The following RAB29 variants were observed in gnomAD, a reference collection of about 807,000 sequenced individuals.
RAB29 encodes RAB29, member RAS oncogene family.
A neutral mutation model predicts 25.5 loss-of-function variants in RAB29; 13 were observed. That is an observed-to-expected ratio of 0.51 (90% CI 0.33 to 0.81). RAB29 has a LOEUF of 0.81. Ranked by LOEUF, RAB29 falls within the 30% of genes least tolerant of loss-of-function variation. The probability of loss-of-function intolerance (pLI) is 0.02; values close to 1 mark genes in which losing one functional copy is unlikely to be tolerated. For synonymous variants in RAB29, 88 were observed against 95.0 expected (o/e 0.93, Z 0.43); for missense variants, 201 against 254.9 (o/e 0.79, Z 1.44).
chr1:205,774,805 C>G, intron 2 of RAB29, 28 bp downstream of exon 2: 1 of 1,347,540 alleles, frequency 7.4e-7, no homozygotes, highest in Non-Finnish European at 1.0e-6. Flanking sequence ...TCCTCCCCCT[C>G]CCCCTCCCCA....
chr1:205,770,616 G>T, intron 5 of RAB29, 117 bp downstream of exon 5: 1 of 1,519,478 alleles, frequency 6.6e-7, no homozygotes, highest in Non-Finnish European at 9.0e-7. Flanking sequence ...GACCTTTAGG[G>T]GCTAGCATTC....
In RAB29 at chr1:205,771,563, A is replaced by C. The variant is rs763568988; in HGVS notation, c.287T>G (p.Phe96Cys). The change falls in exon 4 of 6, where the codon TTC (phenylalanine) becomes TGC (cysteine). Residue 96 changes from phenylalanine (F) to cysteine (C), a missense_variant. Phe to Cys is a radical substitution (Grantham distance 205). Coordinates refer to ENST00000367139, the MANE Select transcript of RAB29 (RefSeq NM_003929.3). ...IMFDVTNATT[F>C]SNSQRWKQDL... ...CTGTTTCCACCTCTGGCTGTTGCTG[A>C]AGGTAGTGGCATTGGTAACGTCAAA... The C allele has an allele frequency of 8.1e-6, 13 of 1,613,888 alleles. No homozygotes were observed. Among genetic ancestry groups the C allele is most frequent in the Non-Finnish European group, 1.1e-5 (13 of 1,179,926 alleles).
At chr1:205,774,134 AGTG>A (rs1388058940) in intron 2 of RAB29, among the ~76,000 whole-genome samples, 4 of 152,192 alleles carry the variant, frequency 2.6e-5, no homozygotes, top group Admixed American at 6.6e-5. Flanking sequence ...TGAGGAAAAA[AGTG>A]GTGGGAAGAT....
rs1299032540 is a variant in RAB29 at position 205,771,627 on chromosome 1, G to A, written c.223C>T (p.Arg75Ter). The part of the protein sequence containing the change: ...AGQERFTSMT[R>*]LYYRDASACV... ...GCAGAGGCATCCCGATAATACAATC[G>A]TGTCATAGAGGTGAAGCGCTCCTGC... is the stretch of plus-strand genomic sequence containing the variant. The change falls in exon 4 of 6, where the codon CGA (arginine) becomes TGA (stop). Residue 75 changes from arginine (R) to a stop codon, truncating the protein, a stop_gained. Transcript: ENST00000367139. LOFTEE classifies it high-confidence loss of function. 9 of 1,614,004 alleles carry A rather than the reference G, an allele frequency of 5.6e-6. No homozygotes were observed. Among genetic ancestry groups the A allele is most frequent in the Admixed American group, 1.7e-5 (1 of 60,004 alleles).
chr1:205,775,094 G>C lies in RAB29; in HGVS notation c.-130-8C>G. Reference sequence around the variant, plus strand: ...ACCCACCGCCTGTCTGGGCTGCTCTGACGAGAAAGCAAAAAAGGAAACTTT... The same window carrying C: ...ACCCACCGCCTGTCTGGGCTGCTCTCACGAGAAAGCAAAAAAGGAAACTTT... On this transcript the variant is annotated splice_region_variant and splice_polypyrimidine_tract_variant and intron_variant, in intron 1 of 5. Coordinates refer to ENST00000367139, the MANE Select transcript of RAB29 (RefSeq NM_003929.3). 1 of 1,173,452 alleles carries C rather than the reference G, an allele frequency of 8.5e-7. No homozygotes were observed. Among genetic ancestry groups the C allele is most frequent in the Middle Eastern group, 2.0e-4 (1 of 4,962 alleles). The allele number at this position is 1,173,452 out of a possible 1,614,324, so 72.7% of individuals were successfully genotyped here. A position where few individuals can be genotyped will look rare whatever the true frequency, so the allele number is the denominator to read the frequency against.
intron 5 of RAB29, 62 bp downstream of exon 5, chr1:205,770,671 G>T (rs569239116): frequency 6.2e-7 from 1 of 1,606,364 alleles, no homozygotes; most frequent in Non-Finnish European, 8.5e-7. Context: ...AAGAAAAGAG[G>T]GTCCACAGGG....
rs1366686289 is a variant in RAB29, at chr1:205,770,997, C to T, written c.379-143G>A. The T allele has an allele frequency of 1.6e-5, 19 of 1,200,990 alleles. No homozygotes were observed. In the Admixed American group the frequency reaches 4.3e-4, roughly 27 times the overall value. 74.4% of individuals were successfully genotyped at this position (1,200,990 alleles called of 1,614,324 possible). A position where few individuals can be genotyped will look rare whatever the true frequency, so the allele number is the denominator to read the frequency against. On this transcript the variant is annotated intron_variant, in intron 4 of 5. Transcript: ENST00000367139. ...CGGAAATCTATAATCAACATTCTTC[C>T]CAAAGAAAGTCTCACCCTTGGCTGG...
chr1:205,771,637 G>T lies in RAB29; in HGVS notation c.213C>A (p.Thr71=), dbSNP rs186316045. 1.2e-6 allele frequency: 2 copies of T among 1,614,132 alleles called. No homozygotes were observed. Among genetic ancestry groups the T allele is most frequent in the Admixed American group, 1.7e-5 (1 of 60,026 alleles). Residue 71 remains threonine, a synonymous_variant, in exon 4 of 6, where the codon ACC becomes ACA. Transcript: ENST00000367139. ...CCCGATAATACAATCGTGTCATAGA[G>T]GTGAAGCGCTCCTGCCCTGGGGAGA... ...LWDIAGQERF[T]SMTRLYYRDA...
Position 205,770,057 on chromosome 1 carries a change from C to G in RAB29, c.*285G>C. 3 of 464,002 alleles carry G rather than the reference C, an allele frequency of 6.5e-6. No homozygotes were observed. The highest frequency in any genetic ancestry group is 3.7e-5 in the Admixed American group (1 of 27,222). 28.7% of individuals were successfully genotyped at this position (464,002 alleles called of 1,614,324 possible). ...AAAACGCAGGTGCTGATTTCTAATC[C>G]TTCTCATAAAATTCCGGATCACAAA... is the stretch of plus-strand genomic sequence containing the variant. On this transcript the variant is annotated 3_prime_UTR_variant, in exon 6 of 6. Transcript: ENST00000367139.
intron 2 of RAB29, among the ~76,000 whole-genome samples, chr1:205,774,541 C>T (rs1014391239): frequency 4.6e-5 from 7 of 152,358 alleles, no homozygotes; most frequent in Admixed American, 4.6e-4. Context: ...CTGCAATAAA[C>T]AGCAATTGCT....
At position 205,770,724 on chromosome 1, in the gene RAB29, G is replaced by A. The variant is rs920239382; in HGVS notation, c.500+9C>T. ...TACATCTGCATGCCTATCAGCATGA[G>A]CTACTTACCTCATAGCCTCATTAAT... On this transcript the variant is annotated intron_variant, in intron 5 of 5. Coordinates refer to ENST00000367139, the MANE Select transcript of RAB29 (RefSeq NM_003929.3). 6.2e-7 allele frequency: 1 copy of A among 1,613,932 alleles called. No homozygotes were observed. The highest frequency in any genetic ancestry group is 1.3e-5 in the African/African-American group (1 of 74,922).
chr1:205,771,392 G>A (rs2102474019), intron 4 of RAB29, 80 bp downstream of exon 4: 7 of 1,513,170 alleles, frequency 4.6e-6, no homozygotes, highest in East Asian at 2.3e-5. Context: ...GGAAATGGAT[G>A]CCCAGAATCA....
chr1:205,775,083 T>C lies in RAB29; in HGVS notation c.-127A>G. On this transcript the variant is annotated 5_prime_UTR_variant, in exon 2 of 6. Transcript: ENST00000367139. ...GAGGCATTCCCACCCACCGCCTGTC[T>C]GGGCTGCTCTGACGAGAAAGCAAAA... 4.7e-6 allele frequency: 6 copies of C among 1,271,164 alleles called. No homozygotes were observed. Among genetic ancestry groups the C allele is most frequent in the Non-Finnish European group, 6.5e-6 (6 of 918,264 alleles). 78.7% of individuals were successfully genotyped at this position (1,271,164 alleles called of 1,614,324 possible).
At chr1:205,770,636 A>G in intron 5 of RAB29, 97 bp downstream of exon 5, 3 of 1,567,634 alleles carry the variant, frequency 1.9e-6, no homozygotes, top group Non-Finnish European at 2.6e-6. Flanking sequence ...CCAATGGCTC[A>G]GTCTGTCATT....
chr1:205,770,961 A>G, intron 4 of RAB29, 107 bp from the exon 5 acceptor site: 1 of 1,376,044 alleles, frequency 7.3e-7, no homozygotes, highest in South Asian at 1.2e-5. Flanking sequence ...AATGGATAAG[A>G]ACACCAGCAT....
rs760794506 is a variant in RAB29, at chr1:205,774,918, C to T, written c.39G>A (p.Val13=). The change falls in exon 2 of 6, where the codon GTG becomes GTA. Residue 13 remains valine, a synonymous_variant. Coordinates refer to ENST00000367139, the MANE Select transcript of RAB29 (RefSeq NM_003929.3). ...SRDHLFKVLV[V]GDAAVGKTSL... is the part of the protein sequence containing the mutation. ...ACGTCTTGCCCACTGCGGCGTCCCC[C>T]ACCACCAGCACTTTGAACAGGTGGT... 3.7e-6 allele frequency: 6 copies of T among 1,613,898 alleles called. No individual in the cohort carries two copies. The highest frequency in any genetic ancestry group is 1.1e-5 in the South Asian group (1 of 91,082).
intron 4 of RAB29, chr1:205,771,192 G>A (rs112719620): frequency 0.057 from 27,618 of 480,970 alleles, 941 homozygotes; most frequent in Middle Eastern, 0.09. Context: ...CCAGCTACTC[G>A]GGAGGCTGAG....
chr1:205,772,855 C>T (rs1655096861), intron 2 of RAB29, among the ~76,000 whole-genome samples: 2 of 151,020 alleles, frequency 1.3e-5, no homozygotes, highest in South Asian at 4.2e-4. Flanking sequence ...ACTATGAAAA[C>T]AATTCTCATT....
In RAB29 at chr1:205,770,872, T is replaced by G. The variant is rs1571613314; in HGVS notation, c.379-18A>C. ...AGATCACACTAGCAAAGAGAAAAAA[T>G]AAAAGGCAGTATCATAAACTTCCTG... On this transcript the variant is annotated intron_variant, in intron 4 of 5. Transcript: ENST00000367139. The G allele has an allele frequency of 2.5e-6, 4 of 1,613,158 alleles. No individual in the cohort carries two copies. The Middle Eastern group carries it at 6.6e-4, about 266-fold the overall frequency.
Sources: allele counts gnomAD v4.1 joint callset (sites outside exome capture counted in the v4.1 genomes callset), GRCh38; gene constraint gnomAD v4.1.1; transcripts MANE v1.5; gene names NCBI Gene and HGNC (gene_info 2026-07-23, HGNC 2026-07-21).